CEP128: variants seen among roughly 807,000 people sequenced by gnomAD.
CEP128 encodes the protein centrosomal protein 128kDa.
A neutral mutation model predicts 156.7 loss-of-function variants in CEP128; 132 were observed. That is an observed-to-expected ratio of 0.84 (90% CI 0.73 to 0.97). The LOEUF is 0.97. Ranked by LOEUF, CEP128 falls within the 50% of genes least tolerant of loss-of-function variation. The pLI is 0.00. For missense variants in CEP128, 1,252 were observed against 1,281.9 expected, an observed-to-expected ratio of 0.98 and a Z score of 0.36; for synonymous variants, 469 against 448.9, an observed-to-expected ratio of 1.04 and a Z score of -0.57.
chr14:80,691,575 T>C (rs1202351174), intron 19 of CEP128, among the ~76,000 whole-genome samples: 1 of 152,158 alleles, frequency 6.6e-6, no homozygotes, highest in Non-Finnish European at 1.5e-5. Flanking sequence ...TCACAAGCAA[T>C]CTAGACTTTC....
chr14:80,605,623 T>C (rs1210272992), intron 19 of CEP128, among the ~76,000 whole-genome samples: 1 of 152,080 alleles, frequency 6.6e-6, no homozygotes, highest in Non-Finnish European at 1.5e-5. Flanking sequence ...ACAAAGTGGA[T>C]TTTTTCACAA....
intron 19 of CEP128, among the ~76,000 whole-genome samples, chr14:80,678,190 C>T (rs1197377850): frequency 3.3e-5 from 5 of 151,500 alleles, no homozygotes; most frequent in African/African-American, 1.2e-4. Flanking sequence ...GAAATGGAAC[C>T]ACATGTATAC....
chr14:80,896,049 G>GAGGTCTGC (rs1376900402), intron 7 of CEP128, among the ~76,000 whole-genome samples: 2 of 152,134 alleles, frequency 1.3e-5, no homozygotes, highest in African/African-American at 4.8e-5. Flanking sequence ...TGCAGAAACA[G>GAGGTCTGC]AGGTCTGCAG....
intron 19 of CEP128, among the ~76,000 whole-genome samples, chr14:80,605,040 C>T (rs1401172384): frequency 6.6e-6 from 1 of 152,100 alleles, no homozygotes; most frequent in Non-Finnish European, 1.5e-5. Flanking sequence ...GAATGGAAGT[C>T]AGGAGACCTG....
chr14:80,752,476 C>T lies in CEP128; in HGVS notation c.2613+4416G>A, dbSNP rs112669906. ...TGCTCAATTAACTGAATATATTCCA[C>T]GTAAATAATCTAAAGTGTATTTCCA... On this transcript the variant is annotated intron_variant, in intron 18 of 24. Transcript: ENST00000555265. Among the ~76,000 whole-genome samples the T allele has an allele frequency of 6.6e-3, 1,008 of 152,240 alleles. 9 individuals are homozygous for T. Among genetic ancestry groups the T allele is most frequent in the African/African-American group, 0.022 (927 of 41,548 alleles).
At chr14:80,603,192 A>G (rs755670342) in intron 19 of CEP128, among the ~76,000 whole-genome samples, 1 of 152,216 alleles carries the variant, frequency 6.6e-6, no homozygotes. Context: ...TGATAGCTGA[A>G]AGATGGAAAC....
At chr14:80,684,790 G>A (rs556388127) in intron 19 of CEP128, among the ~76,000 whole-genome samples, 22 of 150,168 alleles carry the variant, frequency 1.5e-4, no homozygotes, top group Non-Finnish European at 2.7e-4. Context: ...TACAAGGTTC[G>A]TTCAACATAT....
At chr14:80,873,467 G>A (rs1371233440) in intron 8 of CEP128, among the ~76,000 whole-genome samples, 2 of 152,140 alleles carry the variant, frequency 1.3e-5, no homozygotes, top group Non-Finnish European at 2.9e-5. Context: ...CTCTTGTCAC[G>A]TGGTGAAAGG....
chr14:80,772,043 A>G (rs1389053177), intron 16 of CEP128, among the ~76,000 whole-genome samples: 1 of 152,198 alleles, frequency 6.6e-6, no homozygotes, highest in African/African-American at 2.4e-5. Context: ...TTTAACACTG[A>G]TACCAAATGT....
chr14:80,732,626 A>T (rs1898334789), intron 19 of CEP128, among the ~76,000 whole-genome samples: 1 of 152,042 alleles, frequency 6.6e-6, no homozygotes, highest in African/African-American at 2.4e-5. Context: ...TTTTTGTATT[A>T]ATTTGAGAGT....
In CEP128 at chr14:80,656,291, TTATATATATATATATATATATA is replaced by T. The variant is rs1159139132; in HGVS notation, c.2807-75890_2807-75869del. Among the ~76,000 whole-genome samples the T allele has an allele frequency of 4.7e-4, 12 of 25,702 alleles. 1 individual carries two copies. The highest frequency in any genetic ancestry group is 1.8e-3 in the Admixed American group (3 of 1,680). 16.9% of individuals were successfully genotyped at this position (25,702 alleles called of 152,430 possible). A position where few individuals can be genotyped will look rare whatever the true frequency, so the allele number is the denominator to read the frequency against. On this transcript the variant is annotated intron_variant, in intron 19 of 24. Transcript: ENST00000555265. Reference sequence around the variant, plus strand: ...CCTAAGTTTTTATTTATATATATATTTATATATATATATATATATATATATATATATATATATATATATATAT... The same window carrying T: ...CCTAAGTTTTTATTTATATATATATTTATATATATATATATATATATATAT...
intron 23 of CEP128, among the ~76,000 whole-genome samples, chr14:80,506,917 C>T (rs1888003598): frequency 6.6e-6 from 1 of 151,968 alleles, no homozygotes. Flanking sequence ...GAGATGGGGC[C>T]TGCTGGGAGG....
intron 19 of CEP128, among the ~76,000 whole-genome samples, chr14:80,597,877 T>C (rs1892400370): frequency 1.4e-5 from 2 of 144,876 alleles, no homozygotes; most frequent in Admixed American, 7.2e-5. Flanking sequence ...TAACAAGTAT[T>C]TGACAAAATT....
chr14:80,908,185 C>A (rs139681139), intron 4 of CEP128, among the ~76,000 whole-genome samples: 2 of 152,090 alleles, frequency 1.3e-5, no homozygotes, highest in African/African-American at 4.8e-5. Context: ...TATCCCATTT[C>A]CGACCCACAG....
chr14:80,716,752 G>C (rs1284512315), intron 19 of CEP128, among the ~76,000 whole-genome samples: 1 of 152,060 alleles, frequency 6.6e-6, no homozygotes, highest in Non-Finnish European at 1.5e-5. Flanking sequence ...CATTTCTCTT[G>C]GGCATATTTC....
At chr14:80,860,085 C>T (rs943320201) in intron 9 of CEP128, among the ~76,000 whole-genome samples, 3 of 152,104 alleles carry the variant, frequency 2.0e-5, no homozygotes, top group Non-Finnish European at 4.4e-5. Flanking sequence ...TTACTATTAT[C>T]ATATGGTATA....
At chr14:80,799,067 A>T (rs1215252127) in intron 13 of CEP128, among the ~76,000 whole-genome samples, 1 of 152,198 alleles carries the variant, frequency 6.6e-6, no homozygotes, top group Non-Finnish European at 1.5e-5. Flanking sequence ...CTCTAGGAAG[A>T]CAGTGGCATA....
chr14:80,792,737 C>T (rs1305038738), intron 14 of CEP128, 23 bp downstream of exon 14: 1 of 1,590,602 alleles, frequency 6.3e-7, no homozygotes, highest in African/African-American at 1.3e-5. Flanking sequence ...GAAAACCGTT[C>T]CTTAGGAATG....
chr14:80,760,450 G>GA (rs1009239717), intron 17 of CEP128, among the ~76,000 whole-genome samples: 3 of 151,814 alleles, frequency 2.0e-5, no homozygotes, highest in African/African-American at 7.3e-5. Flanking sequence ...GAAAGAGCAA[G>GA]AAAAAAGAGG....
Sources: allele counts gnomAD v4.1 joint callset (sites outside exome capture counted in the v4.1 genomes callset), GRCh38; gene constraint gnomAD v4.1.1; transcripts MANE v1.5; gene names NCBI Gene and HGNC (gene_info 2026-07-23, HGNC 2026-07-21).